The following RERG variants were observed in gnomAD, a reference collection of about 807,000 sequenced individuals.
RERG encodes RAS like estrogen regulated growth inhibitor, also known as ras-related and estrogen-regulated growth inhibitor.
Under a neutral mutation model 23.2 loss-of-function variants are expected in RERG, and 25 were observed. The ratio of observed to expected loss-of-function variants is 1.08; its 90% CI spans 0.79 to 1.50. The LOEUF (loss-of-function observed/expected upper bound fraction) is 1.50. RERG is among the 40% of genes most tolerant of loss of function. The pLI, the probability that RERG is intolerant of heterozygous loss-of-function variation, is 0.00. For missense variants in RERG, 253 were observed against 250.1 expected, an observed-to-expected ratio of 1.01 and a Z score of -0.08; for synonymous variants, 81 against 89.1, an observed-to-expected ratio of 0.91 and a Z score of 0.51.
rs1257915419 is a variant in RERG, at chr12:15,110,455, A to ATTTTTTTTTTTTT, written c.192+888_192+889insAAAAAAAAAAAAA. Among the ~76,000 whole-genome samples the ATTTTTTTTTTTTT allele has an allele frequency of 6.7e-5, 4 of 59,342 alleles. No individual in the cohort carries two copies. In the East Asian group the frequency reaches 1.5e-3, roughly 22 times the overall value. 38.9% of individuals were successfully genotyped at this position (59,342 alleles called of 152,430 possible). ...TTAGCTTTCTGTCATTCCAGTGGCC[A>ATTTTTTTTTTTTT]TTTTTTTCTTTTTTTTTTTTTTTTT... On this transcript the variant is annotated intron_variant, in intron 4 of 4. Transcript: ENST00000256953.
At chr12:15,142,952 A>G (rs562741237) in intron 2 of RERG, among the ~76,000 whole-genome samples, 2 of 152,340 alleles carry the variant, frequency 1.3e-5, no homozygotes, top group Admixed American at 1.3e-4. Context: ...GTGAGGTAGA[A>G]AAGCAAATCG....
chr12:15,168,392 A>G (rs984388699), intron 2 of RERG, among the ~76,000 whole-genome samples: 4 of 152,196 alleles, frequency 2.6e-5, no homozygotes, highest in African/African-American at 9.7e-5. Flanking sequence ...ACCTTGAGGA[A>G]ACCCTTTGAC....
intron 2 of RERG, among the ~76,000 whole-genome samples, chr12:15,179,107 T>C (rs1864890379): frequency 6.6e-6 from 1 of 152,092 alleles, no homozygotes; most frequent in Non-Finnish European, 1.5e-5. Context: ...AATGTATGTT[T>C]TGGGGGTAGG....
At position 15,158,696 on chromosome 12, in the gene RERG, T is replaced by C. The variant is rs1319557131; in HGVS notation, c.62-37577A>G. Among the ~76,000 whole-genome samples, 6 of 152,202 alleles carry C rather than the reference T, an allele frequency of 3.9e-5. No individual in the cohort carries two copies. The East Asian group carries it at 9.6e-4, about 24-fold the overall frequency. Reference sequence around the variant, plus strand: ...ACTAAAATGTCCCTCAGTTGTCTAATACTTCCTCATAATTAGATTCGGATT... The same window carrying C: ...ACTAAAATGTCCCTCAGTTGTCTAACACTTCCTCATAATTAGATTCGGATT... On this transcript the variant is annotated intron_variant, in intron 2 of 4. Coordinates refer to ENST00000256953, the MANE Select transcript of RERG (RefSeq NM_032918.3).
intron 4 of RERG, among the ~76,000 whole-genome samples, chr12:15,110,181 T>C (rs1565503715): frequency 6.6e-6 from 1 of 152,128 alleles, no homozygotes; most frequent in Non-Finnish European, 1.5e-5. Context: ...CACTCCTTCA[T>C]AGCAAAGTGG....
chr12:15,217,093 A>G (rs920236725), intron 2 of RERG: 6 of 201,178 alleles, frequency 3.0e-5, no homozygotes, highest in Middle Eastern at 1.8e-3. Flanking sequence ...TCAGTCCCTC[A>G]AGATCTCATA....
At chr12:15,171,021 G>A (rs1356959829) in intron 2 of RERG, among the ~76,000 whole-genome samples, 1 of 152,176 alleles carries the variant, frequency 6.6e-6, no homozygotes, top group East Asian at 1.9e-4. Context: ...TTTAATTGGT[G>A]CATTTATTGT....
chr12:15,140,563 A>AT (rs35641681), intron 2 of RERG, among the ~76,000 whole-genome samples: 100,777 of 151,754 alleles, frequency 0.66, 33,570 homozygotes, highest in Admixed American at 0.75. Context: ...TCCATGAATA[A>AT]TTTTTTAACA....
At chr12:15,109,805 A>G (rs1863571846) in intron 4 of RERG, among the ~76,000 whole-genome samples, 1 of 152,190 alleles carries the variant, frequency 6.6e-6, no homozygotes. Context: ...TAAAAACTAA[A>G]AAGAAATTAT....
chr12:15,113,671 C>T (rs1215782707), intron 3 of RERG, among the ~76,000 whole-genome samples: 1 of 151,432 alleles, frequency 6.6e-6, no homozygotes, highest in Non-Finnish European at 1.5e-5. Context: ...TCAAAACCCT[C>T]CAAAAACAAA....
At position 15,109,520 on chromosome 12, in the gene RERG, G is replaced by A. The variant is rs778528592; in HGVS notation, c.193-3C>T. The stretch of plus-strand genomic sequence containing the variant: ...CCCTCCCTCTGAATGGTATCTTCCT[G>A]TTGGCAAAGAAAAATGGCCGTCAAG... On this transcript the variant is annotated splice_polypyrimidine_tract_variant and splice_region_variant and intron_variant, in intron 4 of 4. Coordinates refer to ENST00000256953, the MANE Select transcript of RERG (RefSeq NM_032918.3). The A allele has an allele frequency of 1.3e-5, 20 of 1,565,730 alleles. No homozygotes were observed. The South Asian group carries it at 2.4e-4, about 19-fold the overall frequency.
At chr12:15,140,903 C>G (rs571447418) in intron 2 of RERG, among the ~76,000 whole-genome samples, 1 of 152,180 alleles carries the variant, frequency 6.6e-6, no homozygotes, top group East Asian at 1.9e-4. Flanking sequence ...GGTATTTACT[C>G]TACTTGGTGT....
Position 15,193,351 on chromosome 12 carries a change from G to A in RERG, c.61+24078C>T, listed in dbSNP as rs116681486. On this transcript the variant is annotated intron_variant, in intron 2 of 4. Transcript: ENST00000256953. ...GCTTAAACTGTATAACTCCTGCCAT[G>A]GGGAACTGTTTTTATTTGAGGTTGG... 5.5e-3 allele frequency among the ~76,000 whole-genome samples: 833 copies of A among 152,174 alleles called. 9 individuals are homozygous for A. Among genetic ancestry groups the A allele is most frequent in the African/African-American group, 0.019 (785 of 41,524 alleles).
intron 2 of RERG, among the ~76,000 whole-genome samples, chr12:15,212,041 A>ATT (rs1565539269): frequency 1.1e-5 from 1 of 92,538 alleles, no homozygotes; most frequent in African/African-American, 3.6e-5. Flanking sequence ...CCACGAATAA[A>ATT]CTTTTTTTTT....
intron 2 of RERG, among the ~76,000 whole-genome samples, chr12:15,123,438 A>G (rs1591636392): frequency 6.7e-6 from 1 of 149,968 alleles, no homozygotes; most frequent in Non-Finnish European, 1.5e-5. Context: ...GAGCATATAT[A>G]TGTGTATGAA....
rs543904821 is a variant in RERG at position 15,132,510 on chromosome 12, AG to A, written c.62-11392del. Among the ~76,000 whole-genome samples the A allele has an allele frequency of 2.9e-3, 448 of 152,360 alleles. 3 individuals are homozygous for A. Among genetic ancestry groups the A allele is most frequent in the African/African-American group, 0.01 (434 of 41,592 alleles). ...GTTTTGGCAATAAAGATGTGCATGC[AG>A]GTAACTGTGTAGACATAAGTCATCA... On this transcript the variant is annotated intron_variant, in intron 2 of 4. Transcript: ENST00000256953.
Position 15,148,887 on chromosome 12 carries a change from T to TTTTTTTTTTTTTTTG in RERG, c.62-27769_62-27768insCAAAAAAAAAAAAAA, listed in dbSNP as rs1156302513. Among the ~76,000 whole-genome samples the TTTTTTTTTTTTTTTG allele has an allele frequency of 1.0e-4, 7 of 69,500 alleles. 1 individual carries two copies. Among genetic ancestry groups the TTTTTTTTTTTTTTTG allele is most frequent in the Non-Finnish European group, 1.8e-4 (6 of 32,656 alleles). 45.6% of individuals were successfully genotyped at this position (69,500 alleles called of 152,430 possible). On this transcript the variant is annotated intron_variant, in intron 2 of 4. Transcript: ENST00000256953. The stretch of plus-strand genomic sequence containing the variant: ...TTTTTTTTTTTTTTTTTTTTTTTTT[T>TTTTTTTTTTTTTTTG]AGACAGAGTCTAGCTCTGTCACCCA...
chr12:15,217,224 G>T (rs992756558), intron 2 of RERG: 1 of 532,872 alleles, frequency 1.9e-6, no homozygotes, highest in Admixed American at 3.5e-5. Context: ...TATCAGCAAA[G>T]CTACTTCAGC....
chr12:15,151,332 G>T (rs1404239433), intron 2 of RERG, among the ~76,000 whole-genome samples: 1 of 152,152 alleles, frequency 6.6e-6, no homozygotes, highest in Non-Finnish European at 1.5e-5. Flanking sequence ...GAAGCAGCTT[G>T]CCAGATACAC....
Sources: gnomAD v4.1 joint callset for allele counts (sites outside exome capture counted in the v4.1 genomes callset) on GRCh38, gnomAD v4.1.1 for gene constraint, MANE v1.5 for transcripts, NCBI Gene and HGNC (gene_info 2026-07-23, HGNC 2026-07-21) for gene names.